The following KDM3A variants were observed in gnomAD, a reference collection of about 807,000 sequenced individuals.
The protein encoded by KDM3A is lysine demethylase 3A.
A neutral mutation model predicts 158.0 loss-of-function variants in KDM3A; 60 were observed. The ratio of observed to expected loss-of-function variants is 0.38; its 90% CI spans 0.31 to 0.47. KDM3A has a LOEUF of 0.47. Ranked by LOEUF, KDM3A falls within the 20% of genes least tolerant of loss-of-function variation. KDM3A has a pLI of 0.99. For synonymous variants in KDM3A, 608 were observed against 549.3 expected, an observed-to-expected ratio of 1.11 and a Z score of -1.49; for missense variants, 1,319 against 1,574.3, an observed-to-expected ratio of 0.84 and a Z score of 2.74.
Position 86,468,641 on chromosome 2 carries a change from G to A in KDM3A, c.1520-1563G>A, listed in dbSNP as rs138378013. On this transcript the variant is annotated intron_variant, in intron 10 of 25. Transcript: ENST00000312912. ...GTGAGAGTGTGATCAGAAGCCTACC[G>A]GGACTTCTGAGCTGTGTCCACTAGT... Among the ~76,000 whole-genome samples the A allele has an allele frequency of 2.3e-3, 343 of 152,032 alleles. 2 individuals are homozygous for A. The highest frequency in any genetic ancestry group is 8.1e-3 in the African/African-American group (336 of 41,452).
intron 8 of KDM3A, among the ~76,000 whole-genome samples, chr2:86,461,901 G>T (rs554442871): frequency 6.6e-6 from 1 of 152,222 alleles, no homozygotes; most frequent in African/African-American, 2.4e-5. Flanking sequence ...GAAAGAGATG[G>T]GGGGAGGAGG....
At chr2:86,458,746 C>T (rs935359479) in intron 8 of KDM3A, among the ~76,000 whole-genome samples, 9 of 152,094 alleles carry the variant, frequency 5.9e-5, no homozygotes, top group African/African-American at 2.2e-4. Flanking sequence ...GCACAGGAGG[C>T]ATGGAAAAAG....
intron 11 of KDM3A, among the ~76,000 whole-genome samples, chr2:86,471,707 T>C (rs1381861965): frequency 6.6e-6 from 1 of 152,244 alleles, no homozygotes; most frequent in Non-Finnish European, 1.5e-5. Context: ...TTCAGGCTTA[T>C]TTAACGAAGT....
chr2:86,481,634 T>C (rs961577420), intron 16 of KDM3A, among the ~76,000 whole-genome samples: 4 of 152,144 alleles, frequency 2.6e-5, no homozygotes. Context: ...ATGCTGCCAA[T>C]ATTTGTAGAC....
At chr2:86,465,699 G>A (rs1245588510) in intron 9 of KDM3A, among the ~76,000 whole-genome samples, 2 of 152,038 alleles carry the variant, frequency 1.3e-5, no homozygotes, top group Non-Finnish European at 2.9e-5. Context: ...GTGAGCCCTT[G>A]TGCCTTGCCC....
chr2:86,464,062 A>G lies in KDM3A; in HGVS notation c.853A>G (p.Ser285Gly), dbSNP rs1673032428. 1 of 1,575,242 alleles carries G rather than the reference A, an allele frequency of 6.3e-7. No individual in the cohort carries two copies. Among genetic ancestry groups the G allele is most frequent in the East Asian group, 2.3e-5 (1 of 43,462 alleles). Residue 285 changes from serine to glycine, a missense_variant, in exon 9 of 26, where the codon AGT becomes GGT. By Grantham distance (56) the Ser-to-Gly change is moderately conservative (BLOSUM62 0). Coordinates refer to ENST00000312912, the MANE Select transcript of KDM3A (RefSeq NM_018433.6). ...QAKSCSEASPSMCPVQSVPTT... is the reference protein window; with the variant it reads ...QAKSCSEASPGMCPVQSVPTT... The stretch of plus-strand genomic sequence containing the variant: ...GTTTGGTATCTTCTAGGCCTCTCCC[A>G]GTATGTGTCCTGTGCAGTCTGTACC...
In KDM3A at chr2:86,489,420, A is replaced by G. The variant is rs145953450; in HGVS notation, c.3416A>G (p.Gln1139Arg). ...VMVYVGIPKG[Q>R]CEQEEEVLKT... ...GTCTATGTGGGAATTCCCAAAGGACAGTGTGAGCAAGAAGAAGGTAGGGTG... is the reference window on the plus strand; with the variant it reads ...GTCTATGTGGGAATTCCCAAAGGACGGTGTGAGCAAGAAGAAGGTAGGGTG... The change falls in exon 22 of 26, where the codon CAG (glutamine) becomes CGG (arginine). Residue 1139 changes from glutamine to arginine, a missense_variant. Gln to Arg is a conservative substitution (Grantham distance 43, BLOSUM62 1). This residue lies in a region of KDM3A where 186 missense variants were observed against 340.9 expected (regional missense o/e 0.55). Coordinates refer to ENST00000312912, the MANE Select transcript of KDM3A (RefSeq NM_018433.6). 2.5e-6 allele frequency: 4 copies of G among 1,613,892 alleles called. No homozygotes were observed.
upstream of KDM3A, among the ~76,000 whole-genome samples, chr2:86,440,188 T>TC (rs1682615300): frequency 6.6e-6 from 1 of 151,894 alleles, no homozygotes; most frequent in Non-Finnish European, 1.5e-5. Flanking sequence ...AATTTAATTC[T>TC]TGTTACTAAC....
chr2:86,468,415 ATAT>A (rs1259407029), intron 10 of KDM3A, among the ~76,000 whole-genome samples: 1 of 152,216 alleles, frequency 6.6e-6, no homozygotes, highest in Non-Finnish European at 1.5e-5. Flanking sequence ...AGCAAATTTA[ATAT>A]TATGTGACGA....
intron 12 of KDM3A, among the ~76,000 whole-genome samples, chr2:86,476,479 G>A (rs1238837967): frequency 1.3e-5 from 2 of 152,118 alleles, no homozygotes; most frequent in African/African-American, 4.8e-5. Flanking sequence ...TCTTTTCTCT[G>A]TGACAAGCTG....
intron 2 of KDM3A, among the ~76,000 whole-genome samples, chr2:86,448,411 T>G (rs966185735): frequency 6.6e-6 from 1 of 152,208 alleles, no homozygotes; most frequent in African/African-American, 2.4e-5. Context: ...TGAGTACCAA[T>G]TAGATTCCAT....
chr2:86,472,589 A>G (rs538269352), intron 11 of KDM3A, among the ~76,000 whole-genome samples: 9 of 152,218 alleles, frequency 5.9e-5, no homozygotes, highest in African/African-American at 1.7e-4. Context: ...TTCATCTCTC[A>G]TTTTGACTGC....
chr2:86,478,788 T>G (rs183325414), intron 15 of KDM3A, 53 bp downstream of exon 15: 14 of 1,566,888 alleles, frequency 8.9e-6, no homozygotes, highest in Admixed American at 1.7e-5. Context: ...CATTTGTCTG[T>G]TTTTCAAATA....
At chr2:86,455,524 C>G (rs929227294) in intron 5 of KDM3A, among the ~76,000 whole-genome samples, 2 of 151,956 alleles carry the variant, frequency 1.3e-5, no homozygotes, top group Admixed American at 1.3e-4. Flanking sequence ...TGTGAGCCAT[C>G]ACGCCGGGCC....
At chr2:86,460,458 A>G (rs951973603) in intron 8 of KDM3A, among the ~76,000 whole-genome samples, 13 of 152,166 alleles carry the variant, frequency 8.5e-5, no homozygotes, top group Non-Finnish European at 2.9e-5. Flanking sequence ...TGAGTACAGT[A>G]ATGCACTCAG....
chr2:86,478,047 T>A lies in KDM3A; in HGVS notation c.2092+18T>A. The A allele has an allele frequency of 6.2e-7, 1 of 1,614,024 alleles. No individual in the cohort carries two copies. Among genetic ancestry groups the A allele is most frequent in the Non-Finnish European group, 8.5e-7 (1 of 1,179,954 alleles). ...CCAACAGGGTGAGAACCGATTTGAT[T>A]CTCCTCCAGCCCCTCTACACAGTTA... is the stretch of plus-strand genomic sequence containing the variant. On this transcript the variant is annotated intron_variant, in intron 13 of 25. Transcript: ENST00000312912.
chr2:86,455,506 C>T (rs973074344), intron 5 of KDM3A, among the ~76,000 whole-genome samples: 2 of 151,918 alleles, frequency 1.3e-5, no homozygotes, highest in African/African-American at 2.4e-5. Flanking sequence ...AGTGATCTGC[C>T]TGCCAAGTGT....
At chr2:86,456,245 T>G (rs565705840) in intron 5 of KDM3A, among the ~76,000 whole-genome samples, 197 bp from the exon 6 acceptor site, 2 of 152,182 alleles carry the variant, frequency 1.3e-5, no homozygotes, top group African/African-American at 4.8e-5. Flanking sequence ...ACTACTTTGG[T>G]CCGATACAAA....
At chr2:86,460,142 T>A (rs1672866559) in intron 8 of KDM3A, among the ~76,000 whole-genome samples, 1 of 152,246 alleles carries the variant, frequency 6.6e-6, no homozygotes, top group Admixed American at 6.5e-5. Context: ...TGTTTACATT[T>A]TGAAATACTT....
Sources: allele counts gnomAD v4.1 joint callset (sites outside exome capture counted in the v4.1 genomes callset), GRCh38; gene constraint gnomAD v4.1.1; regional missense constraint gnomAD v4.1.1; transcripts MANE v1.5; gene names NCBI Gene and HGNC (gene_info 2026-07-23, HGNC 2026-07-21).